The following PLEKHF2 variants were observed in gnomAD, a reference collection of about 807,000 sequenced individuals.
PLEKHF2 encodes the protein pleckstrin homology and FYVE domain containing 2.
Under a neutral mutation model 14.7 loss-of-function variants are expected in PLEKHF2, and 4 were observed. The observed-to-expected ratio is 0.27, with a 90% CI of 0.13 to 0.62. The LOEUF (loss-of-function observed/expected upper bound fraction) is 0.62, where lower values mean the gene tolerates loss of function less well. Among genes scored for constraint, PLEKHF2 ranks in the 20% least tolerant of loss-of-function variants. PLEKHF2 has a pLI of 0.85. For missense variants in PLEKHF2, 201 were observed against 307.7 expected (o/e 0.65, Z 2.60); for synonymous variants, 90 against 103.5 (o/e 0.87, Z 0.79).
chr8:95,150,416 A>C (rs890868085), intron 1 of PLEKHF2, among the ~76,000 whole-genome samples: 109 of 147,388 alleles, frequency 7.4e-4, no homozygotes, highest in Non-Finnish European at 1.8e-4. Context: ...AATCATTAAA[A>C]TAAATGAAGA....
chr8:95,143,131 G>C (rs377639464), intron 1 of PLEKHF2, among the ~76,000 whole-genome samples: 2 of 142,186 alleles, frequency 1.4e-5, no homozygotes, highest in Non-Finnish European at 3.0e-5. Context: ...ATGGAGTCTC[G>C]CTCTGTCGCC....
At chr8:95,138,443 AT>A (rs1810403580) in intron 1 of PLEKHF2, among the ~76,000 whole-genome samples, 1 of 139,898 alleles carries the variant, frequency 7.1e-6, no homozygotes, top group South Asian at 2.2e-4. Context: ...AAAAAGAAAG[AT>A]TTTTGTGTTC....
chr8:95,154,559 G>A lies in PLEKHF2; in HGVS notation c.515G>A (p.Arg172His), dbSNP rs781226640. 1.9e-6 allele frequency: 3 copies of A among 1,614,098 alleles called. No homozygotes were observed. Among genetic ancestry groups the A allele is most frequent in the Non-Finnish European group, 2.5e-6 (3 of 1,179,988 alleles). ...QKAKFTPVNR[R>H]HHCRKCGFVV... ...GCAAAATTCACACCTGTTAATCGTC[G>A]CCACCATTGCCGCAAATGTGGTTTT... The change falls in exon 2 of 2, where the codon CGC (arginine) becomes CAC (histidine). Residue 172 changes from arginine (R) to histidine (H), a missense_variant. Arg to His is a conservative substitution (Grantham distance 29). Coordinates refer to ENST00000315367, the MANE Select transcript of PLEKHF2 (RefSeq NM_024613.4). This position sits in a 1 kb window ranked among gnomAD's most constrained non-coding sequence, Gnocchi z 5.6.
In PLEKHF2 at chr8:95,154,510, A is replaced by G; in HGVS notation, c.466A>G (p.Thr156Ala). The change falls in exon 2 of 2, where the codon ACT becomes GCT. Residue 156 changes from threonine to alanine, a missense_variant. By Grantham distance (58) the Thr-to-Ala change is moderately conservative. Transcript: ENST00000315367. The surrounding 1 kb of genome is among the most constrained non-coding windows in gnomAD (Gnocchi z 5.6). ...AAVWVPDSEA[T>A]VCMRCQKAKF... ...TGTCTGGGTTCCTGACTCTGAGGCA[A>G]CTGTATGTATGCGTTGTCAGAAAGC... is the stretch of plus-strand genomic sequence containing the variant. 8 of 1,614,184 alleles carry G rather than the reference A, an allele frequency of 5.0e-6. No individual in the cohort carries two copies. The highest frequency in any genetic ancestry group is 6.8e-6 in the Non-Finnish European group (8 of 1,180,006).
Position 95,154,781 on chromosome 8 carries a change from A to G in PLEKHF2, c.737A>G (p.Asp246Gly). 1.9e-6 allele frequency: 3 copies of G among 1,613,730 alleles called. No individual in the cohort carries two copies. In the South Asian group the frequency reaches 3.3e-5, roughly 18 times the overall value. ...ATGTCTGATGATGATGACGATGATG[A>G]TAGCAGTGACTAAGGACACATTTGG... is the stretch of plus-strand genomic sequence containing the variant. ...NDMSDDDDDDDSSD is the reference protein window; with the variant it reads ...NDMSDDDDDDGSSD The change falls in exon 2 of 2, where the codon GAT (aspartate) becomes GGT (glycine). Residue 246 changes from aspartate (D) to glycine (G), a missense_variant. Coordinates refer to ENST00000315367, the MANE Select transcript of PLEKHF2 (RefSeq NM_024613.4). The surrounding 1 kb of genome is among the most constrained non-coding windows in gnomAD (Gnocchi z 5.6).
intron 1 of PLEKHF2, among the ~76,000 whole-genome samples, chr8:95,141,470 C>T (rs771659762): frequency 1.3e-5 from 2 of 152,082 alleles, no homozygotes; most frequent in Non-Finnish European, 2.9e-5. Flanking sequence ...TGTTATTTTT[C>T]CCCCCTTTTC....
chr8:95,150,967 A>G (rs1430887978), intron 1 of PLEKHF2, among the ~76,000 whole-genome samples: 1 of 152,154 alleles, frequency 6.6e-6, no homozygotes, highest in African/African-American at 2.4e-5. Context: ...TAGTGCATGT[A>G]TCATAAGGTT....
chr8:95,136,329 TATATACACAC>T (rs1366133703), intron 1 of PLEKHF2, among the ~76,000 whole-genome samples: 19 of 63,016 alleles, frequency 3.0e-4, no homozygotes, highest in African/African-American at 8.3e-4. Flanking sequence ...GTTTTTATTA[TATATACACAC>T]ACACACACAC....
chr8:95,149,854 G>A (rs533705086), intron 1 of PLEKHF2, among the ~76,000 whole-genome samples: 2 of 152,250 alleles, frequency 1.3e-5, no homozygotes, highest in Non-Finnish European at 2.9e-5. Context: ...CCCTCAATGA[G>A]TAGGATATGG....
At chr8:95,144,462 T>C (rs969854206) in intron 1 of PLEKHF2, among the ~76,000 whole-genome samples, 1 of 152,232 alleles carries the variant, frequency 6.6e-6, no homozygotes, top group African/African-American at 2.4e-5. Flanking sequence ...GTAATTTTTT[T>C]CCTCTTATTT....
intron 1 of PLEKHF2, among the ~76,000 whole-genome samples, chr8:95,136,538 C>T (rs1162574321): frequency 7.2e-5 from 11 of 152,046 alleles, no homozygotes; most frequent in Admixed American, 6.6e-4. Flanking sequence ...GGATTATAAT[C>T]ATAATTTTAA....
intron 1 of PLEKHF2, among the ~76,000 whole-genome samples, chr8:95,152,128 T>A (rs951977437): frequency 6.6e-6 from 1 of 152,082 alleles, no homozygotes; most frequent in African/African-American, 2.4e-5. Flanking sequence ...AAAAATGAGA[T>A]CAGGAAGTTC....
intron 1 of PLEKHF2, among the ~76,000 whole-genome samples, chr8:95,141,474 C>G (rs1319182365): frequency 6.6e-6 from 1 of 152,126 alleles, no homozygotes; most frequent in Non-Finnish European, 1.5e-5. Flanking sequence ...ATTTTTCCCC[C>G]CTTTTCCCAC....
At chr8:95,143,888 C>A (rs1287137713) in intron 1 of PLEKHF2, among the ~76,000 whole-genome samples, 1 of 152,146 alleles carries the variant, frequency 6.6e-6, no homozygotes, top group Admixed American at 6.5e-5. Context: ...ATTAATCTTG[C>A]CTTGTGTAGG....
Position 95,150,666 on chromosome 8 carries a change from C to G in PLEKHF2, c.-14-3365C>G, listed in dbSNP as rs555545369. Among the ~76,000 whole-genome samples, 398 of 152,244 alleles carry G rather than the reference C, an allele frequency of 2.6e-3. 2 individuals are homozygous for G. Among genetic ancestry groups the G allele is most frequent in the Non-Finnish European group, 4.6e-3 (315 of 67,994 alleles). On this transcript the variant is annotated intron_variant, in intron 1 of 1. Transcript: ENST00000315367. ...AAACATTTGGACAATGAAAGATTAT[C>G]AAGACACCAGCTGGGTAAATCATGA...
chr8:95,146,810 G>GT lies in PLEKHF2; in HGVS notation c.-14-7220dup, dbSNP rs557995701. On this transcript the variant is annotated intron_variant, in intron 1 of 1. Coordinates refer to ENST00000315367, the MANE Select transcript of PLEKHF2 (RefSeq NM_024613.4). ...AGGCACTGCTGGAAAAGAAGACAAC[G>GT]TAAAAAAAAAAAGTCAAATGGAAAA... 4.1e-4 allele frequency among the ~76,000 whole-genome samples: 61 copies of GT among 149,230 alleles called. 2 individuals carry two copies. The South Asian group carries it at 0.013, about 31-fold the overall frequency.
chr8:95,139,261 T>G (rs897576797), intron 1 of PLEKHF2, among the ~76,000 whole-genome samples: 6 of 152,292 alleles, frequency 3.9e-5, no homozygotes, highest in Non-Finnish European at 8.8e-5. Flanking sequence ...CCCAGCCCTT[T>G]GTGAGGCCAA....
intron 1 of PLEKHF2, among the ~76,000 whole-genome samples, chr8:95,142,948 G>C (rs1587305692): frequency 6.6e-6 from 1 of 152,210 alleles, no homozygotes; most frequent in South Asian, 2.1e-4. Context: ...TGAAGTCTTT[G>C]ATTTTCATCA....
chr8:95,139,453 G>A (rs943970793), intron 1 of PLEKHF2, among the ~76,000 whole-genome samples: 12 of 152,212 alleles, frequency 7.9e-5, no homozygotes, highest in African/African-American at 2.9e-4. Context: ...GTTGCAGTGA[G>A]TTGAGATTGT....
Sources: allele counts gnomAD v4.1 joint callset (sites outside exome capture counted in the v4.1 genomes callset), GRCh38; gene constraint gnomAD v4.1.1; non-coding constraint Gnocchi (gnomAD v3.1); transcripts MANE v1.5; gene names NCBI Gene and HGNC (gene_info 2026-07-23, HGNC 2026-07-21).